Variants in SCHIP1 observed in about 807,000 individuals in gnomAD.
SCHIP1 encodes schwannomin interacting protein 1.
Under a neutral mutation model 29.7 loss-of-function variants are expected in SCHIP1, and 8 were observed. The observed-to-expected ratio is 0.27, with a 90% CI of 0.16 to 0.49. The LOEUF is 0.49. Ranked by LOEUF, SCHIP1 falls within the 20% of genes least tolerant of loss-of-function variation. The pLI, the probability that SCHIP1 is intolerant of heterozygous loss-of-function variation, is 0.99. For synonymous variants in SCHIP1, 76 were observed against 94.9 expected, an observed-to-expected ratio of 0.80 and a Z score of 1.16; for missense variants, 193 against 294.6, an observed-to-expected ratio of 0.66 and a Z score of 2.52.
At chr3:159,740,761 C>CAAAAAAAAAAAAAAAAAA in the SCHIP1 span, among the ~76,000 whole-genome samples, 1 of 14,344 alleles carries the variant, frequency 7.0e-5, no homozygotes, top group African/African-American at 3.0e-4. Context: ...ATTGTATATT[C>CAAAAAAAAAAAAAAAAAA]AAAAAAAAAG....
the SCHIP1 span, among the ~76,000 whole-genome samples, chr3:159,708,179 G>A: frequency 6.6e-6 from 1 of 150,700 alleles, no homozygotes; most frequent in Non-Finnish European, 1.5e-5. Context: ...GGGGAGAGGG[G>A]AAAGCACAGA....
the SCHIP1 span, among the ~76,000 whole-genome samples, chr3:159,482,829 C>T: frequency 6.6e-6 from 1 of 152,042 alleles, no homozygotes; most frequent in Non-Finnish European, 1.5e-5. Context: ...GAAAAGCCTG[C>T]AGTCACATTT....
At chr3:159,668,376 C>CAAAAAAAAAAAAAAAAAA in the SCHIP1 span, among the ~76,000 whole-genome samples, 24 of 46,416 alleles carry the variant, frequency 5.2e-4, 3 homozygotes, top group African/African-American at 2.0e-3. Flanking sequence ...GACTCCGTCT[C>CAAAAAAAAAAAAAAAAAA]AAAAAAAAAA....
At chr3:159,758,283 G>A in the SCHIP1 span, among the ~76,000 whole-genome samples, 2 of 152,112 alleles carry the variant, frequency 1.3e-5, no homozygotes. Flanking sequence ...CTCCCAAGTA[G>A]CTGGGATTAT....
the SCHIP1 span, among the ~76,000 whole-genome samples, chr3:159,452,532 T>C: frequency 2.0e-5 from 3 of 152,252 alleles, no homozygotes; most frequent in Non-Finnish European, 4.4e-5. Flanking sequence ...TGCCATATTT[T>C]CTTTATCCAG....
chr3:159,777,400 CT>C, the SCHIP1 span, among the ~76,000 whole-genome samples: 2 of 151,142 alleles, frequency 1.3e-5, no homozygotes, highest in Non-Finnish European at 3.0e-5. Context: ...ACCAGAGTAG[CT>C]TTTTTTTTCT....
At chr3:159,294,333 T>C in the SCHIP1 span, among the ~76,000 whole-genome samples, 1 of 152,340 alleles carries the variant, frequency 6.6e-6, no homozygotes, top group East Asian at 1.9e-4. Flanking sequence ...AAATGACAAA[T>C]ACTAATATAA....
chr3:159,741,524 T>A, the SCHIP1 span, among the ~76,000 whole-genome samples: 1 of 152,376 alleles, frequency 6.6e-6, no homozygotes, highest in African/African-American at 2.4e-5. Flanking sequence ...CATGCCTATT[T>A]AAGCTCTTCC....
At chr3:159,314,972 T>C in the SCHIP1 span, among the ~76,000 whole-genome samples, 2 of 152,212 alleles carry the variant, frequency 1.3e-5, no homozygotes, top group Non-Finnish European at 2.9e-5. Flanking sequence ...AACATTCTAA[T>C]AGATGTCTTT....
the SCHIP1 span, among the ~76,000 whole-genome samples, chr3:159,663,084 G>T: frequency 6.6e-6 from 1 of 152,194 alleles, no homozygotes; most frequent in Non-Finnish European, 1.5e-5. Flanking sequence ...GGTTGGAATA[G>T]GAAGTGGGTT....
chr3:159,892,951 A>G (rs1717687791), intron 6 of SCHIP1: 1 of 152,258 alleles, frequency 6.6e-6, no homozygotes, highest in African/African-American at 2.4e-5. Flanking sequence ...AGTAATTGCT[A>G]TTAATCCCAG....
chr3:159,856,684 G>A (rs560177535), intron 1 of SCHIP1, among the ~76,000 whole-genome samples: 7 of 152,334 alleles, frequency 4.6e-5, no homozygotes, highest in African/African-American at 7.2e-5. Context: ...CGCTCGCTTC[G>A]CTTTGTTCCT....
At chr3:159,440,498 G>C in the SCHIP1 span, among the ~76,000 whole-genome samples, 2 of 152,150 alleles carry the variant, frequency 1.3e-5, no homozygotes, top group African/African-American at 4.8e-5. Flanking sequence ...GAAGAAAGAA[G>C]GACAAGAAAT....
the SCHIP1 span, among the ~76,000 whole-genome samples, chr3:159,411,083 G>A: frequency 6.6e-6 from 1 of 151,894 alleles, no homozygotes; most frequent in Non-Finnish European, 1.5e-5. Context: ...TAAAACAATT[G>A]AACTCATGGA....
the SCHIP1 span, among the ~76,000 whole-genome samples, chr3:159,598,967 T>C: frequency 6.6e-6 from 1 of 151,436 alleles, no homozygotes; most frequent in African/African-American, 2.4e-5. Context: ...GGAAATGACA[T>C]TCTTTGCTTT....
the SCHIP1 span, among the ~76,000 whole-genome samples, chr3:159,443,269 T>C: frequency 2.0e-5 from 3 of 152,210 alleles, no homozygotes; most frequent in Non-Finnish European, 4.4e-5. Flanking sequence ...AGGTGTTCTA[T>C]CTTCAGCTGA....
At chr3:159,611,227 C>T in the SCHIP1 span, among the ~76,000 whole-genome samples, 4 of 152,026 alleles carry the variant, frequency 2.6e-5, no homozygotes, top group Admixed American at 6.5e-5. Flanking sequence ...CAGTCAAGTC[C>T]GGGGAGCCAG....
At chr3:159,482,414 A>G in the SCHIP1 span, among the ~76,000 whole-genome samples, 4 of 152,104 alleles carry the variant, frequency 2.6e-5, no homozygotes, top group African/African-American at 7.2e-5. Context: ...ATCTTCTAAC[A>G]AGCAGCTATG....
chr3:159,282,228 A>G, the SCHIP1 span, among the ~76,000 whole-genome samples: 1 of 152,040 alleles, frequency 6.6e-6, no homozygotes, highest in Non-Finnish European at 1.5e-5. Context: ...TTACATCCCT[A>G]GAACTGTTGT....
Sources: allele counts gnomAD v4.1 joint callset (sites outside exome capture counted in the v4.1 genomes callset), GRCh38; gene constraint gnomAD v4.1.1; transcripts MANE v1.5; gene names NCBI Gene and HGNC (gene_info 2026-07-23, HGNC 2026-07-21).